Variants in CCSER2 observed in about 807,000 individuals in gnomAD.
CCSER2 encodes the protein serine-rich coiled-coil domain-containing protein 2.
CCSER2 carries 46 observed loss-of-function variants against 92.3 expected under a neutral mutation model. The observed-to-expected ratio is 0.50, with a 90% CI of 0.39 to 0.64. CCSER2 has a LOEUF of 0.64. Among genes scored for constraint, CCSER2 ranks in the 30% least tolerant of loss-of-function variants. The probability of loss-of-function intolerance (pLI) is 0.00; values close to 1 mark genes in which losing one functional copy is unlikely to be tolerated. For synonymous variants in CCSER2, 433 were observed against 431.4 expected (o/e 1.00, Z -0.04); for missense variants, 1,244 against 1,238.9 (o/e 1.00, Z -0.06).
Position 84,381,917 on chromosome 10 carries a change from C to CAAA in CCSER2, c.1614+8120_1614+8122dup, listed in dbSNP as rs544545707. Reference sequence around the variant, plus strand: ...CCTGGGTGACAGAGCAAGGCTTTCTCAAAAAAAAAAAAAAAAAAAAGAACA... The same window carrying CAAA: ...CCTGGGTGACAGAGCAAGGCTTTCTCAAAAAAAAAAAAAAAAAAAAAAAGAACA... On this transcript the variant is annotated intron_variant, in intron 3 of 9. Transcript: ENST00000372088. Among the ~76,000 whole-genome samples, 719 of 119,958 alleles carry CAAA rather than the reference C, an allele frequency of 6.0e-3. 8 individuals carry two copies. Among genetic ancestry groups the CAAA allele is most frequent in the African/African-American group, 0.016 (541 of 33,240 alleles). The allele number at this position is 119,958 out of a possible 152,430, so 78.7% of individuals were successfully genotyped here.
chr10:84,469,006 A>G (rs527778162), intron 7 of CCSER2, among the ~76,000 whole-genome samples: 1 of 152,282 alleles, frequency 6.6e-6, no homozygotes, highest in Non-Finnish European at 1.5e-5. Flanking sequence ...TTTACCAGTT[A>G]TATGTATATT....
chr10:84,477,780 TTG>T, intron 9 of CCSER2, 116 bp downstream of exon 9: 1 of 609,630 alleles, frequency 1.6e-6, no homozygotes, highest in Non-Finnish European at 2.9e-6. Flanking sequence ...GTTAATTTTT[TTG>T]TAGGTAATTT....
At position 84,373,751 on chromosome 10, in the gene CCSER2, G is replaced by T; in HGVS notation, c.1550G>T (p.Gly517Val). Reference protein sequence around the residue: ...SDGTYMWDEEGLEPIGNVHPV... With the variant: ...SDGTYMWDEEVLEPIGNVHPV... ...GGAACATACATGTGGGATGAAGAAG[G>T]CTTGGAACCCATTGGAAATGTCCAT... The change falls in exon 3 of 10, where the codon GGC (glycine) becomes GTC (valine). Residue 517 changes from glycine (G) to valine (V), a missense_variant. Gly to Val is a moderately radical substitution (Grantham distance 109). Transcript: ENST00000372088. 6.2e-7 allele frequency: 1 copy of T among 1,613,738 alleles called. No homozygotes were observed.
chr10:84,367,705 T>C (rs1273761414), intron 1 of CCSER2, among the ~76,000 whole-genome samples: 1 of 145,052 alleles, frequency 6.9e-6, no homozygotes, highest in Non-Finnish European at 1.5e-5. Flanking sequence ...TTCTTTTCCT[T>C]GCTTTTTTTT....
intron 1 of CCSER2, among the ~76,000 whole-genome samples, chr10:84,340,204 A>G (rs150986390): frequency 3.3e-4 from 51 of 152,296 alleles, no homozygotes; most frequent in African/African-American, 1.1e-3. Context: ...GCTGCTAGAC[A>G]TATGTTCATT....
At chr10:84,492,132 A>G (rs1848206569) in intron 9 of CCSER2, among the ~76,000 whole-genome samples, 1 of 152,060 alleles carries the variant, frequency 6.6e-6, no homozygotes, top group African/African-American at 2.4e-5. Context: ...ACAAAATATT[A>G]TCCAGGCATG....
At chr10:84,422,835 C>T (rs1257948020) in intron 4 of CCSER2, among the ~76,000 whole-genome samples, 6 of 152,172 alleles carry the variant, frequency 3.9e-5, no homozygotes, top group Non-Finnish European at 8.8e-5. Context: ...ATGTGGATCA[C>T]TTGAGGTCAG....
At chr10:84,348,436 AC>A (rs1244849844) in intron 1 of CCSER2, among the ~76,000 whole-genome samples, 1 of 152,004 alleles carries the variant, frequency 6.6e-6, no homozygotes, top group African/African-American at 2.4e-5. Context: ...TCAGAGGGAG[AC>A]CGTGGAAAGA....
intron 1 of CCSER2, among the ~76,000 whole-genome samples, chr10:84,352,601 C>A (rs1564589954): frequency 6.6e-6 from 1 of 151,942 alleles, no homozygotes. Context: ...ACCACCACCA[C>A]CACTGCCGCC....
In CCSER2 at chr10:84,353,411, G is replaced by T. The variant is rs545137754; in HGVS notation, c.-39-17603G>T. 3.3e-5 allele frequency among the ~76,000 whole-genome samples: 5 copies of T among 152,236 alleles called. No homozygotes were observed. In the East Asian group the frequency reaches 9.6e-4, roughly 29 times the overall value. ...GCTAGATGCTGAGTATTAAAAAAAC[G>T]AGTCTTTAATTAGGCTATTGAGTAT... On this transcript the variant is annotated intron_variant, in intron 1 of 9. Coordinates refer to ENST00000372088, the MANE Select transcript of CCSER2 (RefSeq NM_001284240.2).
rs908178706 is a variant in CCSER2, at chr10:84,514,386, A to C, written c.*119A>C. On this transcript the variant is annotated 3_prime_UTR_variant, in exon 10 of 10. Coordinates refer to ENST00000372088, the MANE Select transcript of CCSER2 (RefSeq NM_001284240.2). ...TTCCATTGAAAGCCTGCAAATCTTA[A>C]ATTAAAATGTGGAAGCTTCTACTAG... is the stretch of plus-strand genomic sequence containing the variant. The C allele has an allele frequency of 1.5e-5, 11 of 718,586 alleles. No individual in the cohort carries two copies. Among genetic ancestry groups the C allele is most frequent in the African/African-American group, 1.4e-4 (8 of 55,822 alleles). The allele number at this position is 718,586 out of a possible 1,614,324, so 44.5% of individuals were successfully genotyped here.
chr10:84,513,220 T>G (rs1306256705), intron 9 of CCSER2, among the ~76,000 whole-genome samples: 1 of 152,224 alleles, frequency 6.6e-6, no homozygotes, highest in Non-Finnish European at 1.5e-5. Context: ...TCATTTAATT[T>G]TGGATCTTGT....
intron 9 of CCSER2, among the ~76,000 whole-genome samples, chr10:84,502,407 T>C (rs1848808909): frequency 6.7e-6 from 1 of 148,298 alleles, no homozygotes; most frequent in Non-Finnish European, 1.5e-5. Flanking sequence ...AGTCTTGCTC[T>C]GTTGCCCAGG....
intron 3 of CCSER2, among the ~76,000 whole-genome samples, chr10:84,412,450 A>G (rs891480303): frequency 1.3e-5 from 2 of 151,204 alleles, no homozygotes; most frequent in Non-Finnish European, 1.5e-5. Flanking sequence ...TTGGTGGGCT[A>G]TTTATTACTG....
intron 6 of CCSER2, among the ~76,000 whole-genome samples, chr10:84,443,586 A>G (rs1295422832): frequency 6.6e-6 from 1 of 152,210 alleles, no homozygotes; most frequent in African/African-American, 2.4e-5. Context: ...CAGTGTAGCG[A>G]TTCCTCAAGG....
intron 9 of CCSER2, among the ~76,000 whole-genome samples, chr10:84,506,580 T>G (rs1371577813): frequency 1.3e-5 from 2 of 151,772 alleles, no homozygotes; most frequent in Non-Finnish European, 2.9e-5. Context: ...GATCACAAAG[T>G]CAGGAGTTCG....
At chr10:84,367,822 T>G (rs1413917545) in intron 1 of CCSER2, among the ~76,000 whole-genome samples, 1 of 152,138 alleles carries the variant, frequency 6.6e-6, no homozygotes, top group East Asian at 1.9e-4. Context: ...TTTGTTTCAT[T>G]AGATGCATGT....
intron 6 of CCSER2, among the ~76,000 whole-genome samples, chr10:84,461,572 A>G (rs1337544872): frequency 1.3e-5 from 2 of 151,456 alleles, no homozygotes; most frequent in African/African-American, 4.8e-5. Flanking sequence ...AAATGCTAGT[A>G]TTTAGCCCAT....
chr10:84,363,778 C>T lies in CCSER2; in HGVS notation c.-39-7236C>T, dbSNP rs909225719. On this transcript the variant is annotated intron_variant, in intron 1 of 9. Transcript: ENST00000372088. ...TTCAGTCCCTTCCTTCATTCTTGTC[C>T]CTTGTTGTTAGTAGGCTTCTCAGAA... is the stretch of plus-strand genomic sequence containing the variant. Among the ~76,000 whole-genome samples, 6 of 152,180 alleles carry T rather than the reference C, an allele frequency of 3.9e-5. No homozygotes were observed. In the East Asian group the frequency reaches 1.2e-3, roughly 29 times the overall value.
Sources: allele counts gnomAD v4.1 joint callset (sites outside exome capture counted in the v4.1 genomes callset), GRCh38; gene constraint gnomAD v4.1.1; transcripts MANE v1.5; gene names NCBI Gene and HGNC (gene_info 2026-07-23, HGNC 2026-07-21).